The following ZNF462 variants were observed in gnomAD, a reference collection of about 807,000 sequenced individuals.
ZNF462 encodes zinc finger protein 462, also known as zinc finger PBX1-interacting protein.
A neutral mutation model predicts 201.9 loss-of-function variants in ZNF462; 10 were observed. That is an observed-to-expected ratio of 0.05 (90% CI 0.03 to 0.08). The LOEUF (loss-of-function observed/expected upper bound fraction) is 0.08, where lower values mean the gene tolerates loss of function less well. Ranked by LOEUF, ZNF462 falls within the 10% of genes least tolerant of loss-of-function variation. ZNF462 has a pLI of 1.00. For missense variants in ZNF462, 2,523 were observed against 3,168.3 expected (o/e 0.80, Z 4.89); for synonymous variants, 1,227 against 1,193.3 (o/e 1.03, Z -0.58).
In ZNF462 at chr9:106,972,813, C is replaced by A. The variant is rs1199030238; in HGVS notation, c.6695+541C>A. Among the ~76,000 whole-genome samples the A allele has an allele frequency of 1.3e-5, 2 of 152,086 alleles. No individual in the cohort carries two copies. Among genetic ancestry groups the A allele is most frequent in the African/African-American group, 4.8e-5 (2 of 41,404 alleles). On this transcript the variant is annotated intron_variant, in intron 8 of 12. Coordinates refer to ENST00000277225, the MANE Select transcript of ZNF462 (RefSeq NM_021224.6). The surrounding 1 kb of genome is among the most constrained non-coding windows in gnomAD (Gnocchi z 4.8). ...TGCTCCAGTCTAGAAAAAGAGAATCCATAGTCACCCTTGCCCCTGTGGATG... is the reference window on the plus strand; with the variant it reads ...TGCTCCAGTCTAGAAAAAGAGAATCAATAGTCACCCTTGCCCCTGTGGATG...
rs1290289797 is a variant in ZNF462 at position 106,978,686 on chromosome 9, C to G, written c.6832+4413C>G. The G allele has an allele frequency of 1.3e-5, 2 of 151,910 alleles. No homozygotes were observed. The highest frequency in any genetic ancestry group is 2.9e-5 in the Non-Finnish European group (2 of 68,216). The allele number at this position is 151,910 out of a possible 1,614,324, so 9.4% of individuals were successfully genotyped here. The stretch of plus-strand genomic sequence containing the variant: ...ATTCATGCAACAAATATTTATTGAA[C>G]ACCCACTATATGCCAGCCTTATTTT... On this transcript the variant is annotated intron_variant, in intron 9 of 12. Coordinates refer to ENST00000277225, the MANE Select transcript of ZNF462 (RefSeq NM_021224.6). The surrounding 1 kb of genome is among the most constrained non-coding windows in gnomAD (Gnocchi z 4.1).
chr9:106,875,485 C>T (rs1827790854), intron 1 of ZNF462, among the ~76,000 whole-genome samples: 1 of 152,188 alleles, frequency 6.6e-6, no homozygotes, highest in African/African-American at 2.4e-5. Context: ...AGAGAGTCAT[C>T]TGTGTTTAAG....
intron 10 of ZNF462, among the ~76,000 whole-genome samples, chr9:106,991,487 A>C (rs995385529): frequency 6.6e-5 from 10 of 151,962 alleles, no homozygotes; most frequent in Non-Finnish European, 1.5e-4. Context: ...CAGATTCAAC[A>C]TAATCTCTAT....
At chr9:106,979,671 TA>T (rs994331167) in intron 9 of ZNF462, 8 of 144,132 alleles carry the variant, frequency 5.6e-5, no homozygotes, top group African/African-American at 2.0e-4. Flanking sequence ...GAAGAGAGAC[TA>T]AAAAACAGGT....
At chr9:106,898,130 A>C (rs1199735963) in intron 1 of ZNF462, among the ~76,000 whole-genome samples, 1 of 152,240 alleles carries the variant, frequency 6.6e-6, no homozygotes, top group Non-Finnish European at 1.5e-5. Flanking sequence ...TTATTAAACT[A>C]AGTCTTATAA....
chr9:106,984,208 A>G lies in ZNF462; in HGVS notation c.6855A>G (p.Glu2285=). The G allele has an allele frequency of 6.2e-7, 1 of 1,613,934 alleles. No homozygotes were observed. Among genetic ancestry groups the G allele is most frequent in the Non-Finnish European group, 8.5e-7 (1 of 1,179,914 alleles). The change falls in exon 10 of 13, where the codon GAA becomes GAG. Residue 2285 remains glutamate, a synonymous_variant. Coordinates refer to ENST00000277225, the MANE Select transcript of ZNF462 (RefSeq NM_021224.6). This position sits in a 1 kb window ranked among gnomAD's most constrained non-coding sequence, Gnocchi z 6.4. ...LHREERVVPI[E]VCRSKLSKYL... is the part of the protein sequence containing the mutation. ...CAGAAGAGCGTGTTGTCCCCATTGA[A>G]GTTTGCCGGTCCAAACTGTCCAAAT...
chr9:106,936,364 C>T (rs868595747), intron 6 of ZNF462, among the ~76,000 whole-genome samples: 3 of 152,264 alleles, frequency 2.0e-5, no homozygotes, highest in South Asian at 2.1e-4. Context: ...TTGTATAACC[C>T]TTGGTCACAG....
chr9:106,866,396 A>G (rs1587966093), intron 1 of ZNF462, among the ~76,000 whole-genome samples: 1 of 152,298 alleles, frequency 6.6e-6, no homozygotes, highest in East Asian at 1.9e-4. Flanking sequence ...CACATTTTTC[A>G]AACCAAACTG....
At chr9:106,996,783 A>T (rs566922968) in intron 10 of ZNF462, among the ~76,000 whole-genome samples, 2 of 152,274 alleles carry the variant, frequency 1.3e-5, no homozygotes, top group South Asian at 4.1e-4. Context: ...TGGCAATATT[A>T]TGAAGTCTTT....
chr9:106,997,218 T>G (rs1468895099), intron 10 of ZNF462, among the ~76,000 whole-genome samples: 1 of 152,154 alleles, frequency 6.6e-6, no homozygotes, highest in Non-Finnish European at 1.5e-5. Context: ...CCTTGTGCAC[T>G]GTTGATAGGA....
At position 106,883,827 on chromosome 9, in the gene ZNF462, G is replaced by T. The variant is rs893598758; in HGVS notation, c.-31+20472G>T. Among the ~76,000 whole-genome samples, 5 of 152,138 alleles carry T rather than the reference G, an allele frequency of 3.3e-5. No homozygotes were observed. The highest frequency in any genetic ancestry group is 3.3e-4 in the Admixed American group (5 of 15,272). On this transcript the variant is annotated intron_variant, in intron 1 of 12. Coordinates refer to ENST00000277225, the MANE Select transcript of ZNF462 (RefSeq NM_021224.6). The surrounding 1 kb of genome is among the most constrained non-coding windows in gnomAD (Gnocchi z 4.9). ...AGGGGAGCCTACGCAAGTCATGGGG[G>T]CTGGTGAGCAAACTCTACACCAGGC...
chr9:106,975,104 G>T (rs1826900261), intron 9 of ZNF462: 1 of 152,182 alleles, frequency 6.6e-6, no homozygotes, highest in African/African-American at 2.4e-5. Flanking sequence ...GTTTCGTCCT[G>T]AAAAGATTCA....
chr9:106,957,863 A>G (rs1024169956), intron 7 of ZNF462, among the ~76,000 whole-genome samples: 1 of 152,132 alleles, frequency 6.6e-6, no homozygotes, highest in Non-Finnish European at 1.5e-5. Context: ...TGGATAAAGC[A>G]CTTGGTCACC....
At chr9:106,921,179 C>G (rs1453958772) in intron 1 of ZNF462, among the ~76,000 whole-genome samples, 1 of 152,140 alleles carries the variant, frequency 6.6e-6, no homozygotes, top group African/African-American at 2.4e-5. Context: ...GAGGTCCCCC[C>G]ACTGCACCCC....
At position 106,972,145 on chromosome 9, in the gene ZNF462, G is replaced by A. The variant is rs374819141; in HGVS notation, c.6568G>A (p.Val2190Met). 1.5e-5 allele frequency: 24 copies of A among 1,614,086 alleles called. No homozygotes were observed. The highest frequency in any genetic ancestry group is 1.2e-4 in the African/African-American group (9 of 74,920). The change falls in exon 8 of 13, where the codon GTG becomes ATG. Residue 2190 changes from valine to methionine, a missense_variant. Physicochemically the swap from Val to Met is conservative, Grantham distance 21 (BLOSUM62 1). Transcript: ENST00000277225. The surrounding 1 kb of genome is among the most constrained non-coding windows in gnomAD (Gnocchi z 4.8). ...AAGTEQKTEA[V>M]LHCEFCEFSS... Reference sequence around the variant, plus strand: ...TGGCACTGAGCAGAAAACTGAAGCCGTGCTTCACTGCGAATTCTGTGAATT... The same window carrying A: ...TGGCACTGAGCAGAAAACTGAAGCCATGCTTCACTGCGAATTCTGTGAATT...
chr9:106,895,982 G>A lies in ZNF462; in HGVS notation c.-30-27372G>A, dbSNP rs964925487. Among the ~76,000 whole-genome samples the A allele has an allele frequency of 2.0e-5, 3 of 151,972 alleles. No individual in the cohort carries two copies. Among genetic ancestry groups the A allele is most frequent in the Admixed American group, 6.6e-5 (1 of 15,262 alleles). Reference sequence around the variant, plus strand: ...AACAAGAACATTCATTATCTAACCCGCCCTTTCTAGCCTTAAATCATGTCC... The same window carrying A: ...AACAAGAACATTCATTATCTAACCCACCCTTTCTAGCCTTAAATCATGTCC... On this transcript the variant is annotated intron_variant, in intron 1 of 12. Coordinates refer to ENST00000277225, the MANE Select transcript of ZNF462 (RefSeq NM_021224.6). This position sits in a 1 kb window ranked among gnomAD's most constrained non-coding sequence, Gnocchi z 4.4.
Position 106,913,683 on chromosome 9 carries a change from T to C in ZNF462, c.-30-9671T>C, listed in dbSNP as rs1215161542. ...CATGATCTCGACTCACTGCAACCTC[T>C]GTCTCCCAGGCTCAAACAGTTTTCC... On this transcript the variant is annotated intron_variant, in intron 1 of 12. Transcript: ENST00000277225. The surrounding 1 kb of genome is among the most constrained non-coding windows in gnomAD (Gnocchi z 4.1). Among the ~76,000 whole-genome samples the C allele has an allele frequency of 1.4e-5, 2 of 139,290 alleles. No individual in the cohort carries two copies. 91.4% of individuals were successfully genotyped at this position (139,290 alleles called of 152,430 possible).
chr9:106,902,905 T>C lies in ZNF462; in HGVS notation c.-30-20449T>C, dbSNP rs1026652176. Among the ~76,000 whole-genome samples, 1 of 152,128 alleles carries C rather than the reference T, an allele frequency of 6.6e-6. No individual in the cohort carries two copies. The highest frequency in any genetic ancestry group is 2.4e-5 in the African/African-American group (1 of 41,426). Reference sequence around the variant, plus strand: ...GTTTCATTTATCTTTTGTGTTTTTTTTGTTTGTTTGTTTGAATTTCATTTA... The same window carrying C: ...GTTTCATTTATCTTTTGTGTTTTTTCTGTTTGTTTGTTTGAATTTCATTTA... On this transcript the variant is annotated intron_variant, in intron 1 of 12. Coordinates refer to ENST00000277225, the MANE Select transcript of ZNF462 (RefSeq NM_021224.6). The surrounding 1 kb of genome is among the most constrained non-coding windows in gnomAD (Gnocchi z 4.2).
At position 106,968,947 on chromosome 9, in the gene ZNF462, C is replaced by A. The variant is rs1012037911; in HGVS notation, c.6428-3058C>A. ...TGCTCTTCAGGCCATGCTTCATGAACAAACAGGAATTTTATGTAGCTTAGC... is the reference window on the plus strand; with the variant it reads ...TGCTCTTCAGGCCATGCTTCATGAAAAAACAGGAATTTTATGTAGCTTAGC... On this transcript the variant is annotated intron_variant, in intron 7 of 12. Transcript: ENST00000277225. The surrounding 1 kb of genome is among the most constrained non-coding windows in gnomAD (Gnocchi z 4.0). 6.6e-6 allele frequency among the ~76,000 whole-genome samples: 1 copy of A among 152,144 alleles called. No homozygotes were observed.
Sources: allele counts gnomAD v4.1 joint callset (sites outside exome capture counted in the v4.1 genomes callset), GRCh38; gene constraint gnomAD v4.1.1; non-coding constraint Gnocchi (gnomAD v3.1); transcripts MANE v1.5; gene names NCBI Gene and HGNC (gene_info 2026-07-23, HGNC 2026-07-21).